Variants in TMEM184A observed in about 807,000 individuals in gnomAD.
TMEM184A encodes the protein transmembrane protein 184A, also known as sexually dimorphic, expressed in male gonads 1.
Under a neutral mutation model 39.5 loss-of-function variants are expected in TMEM184A, and 40 were observed. The observed-to-expected ratio is 1.01, with a 90% CI of 0.79 to 1.32. TMEM184A has a LOEUF of 1.32. Among genes scored for constraint, TMEM184A ranks in the 40% most tolerant of loss-of-function variants. The probability of loss-of-function intolerance (pLI) is 0.00; values close to 1 mark genes in which losing one functional copy is unlikely to be tolerated. For synonymous variants in TMEM184A, 280 were observed against 252.3 expected (o/e 1.11, Z -1.04); for missense variants, 603 against 568.8 (o/e 1.06, Z -0.61).
chr7:1,549,977 C>G, intron 5 of TMEM184A, 32 bp from the exon 6 acceptor site: 2 of 1,608,550 alleles, frequency 1.2e-6, no homozygotes, highest in Non-Finnish European at 1.7e-6. Context: ...GGGCCTGGGG[C>G]CAGGTCCCCC....
chr7:1,553,400 G>A (rs369556465), intron 2 of TMEM184A, among the ~76,000 whole-genome samples: 2 of 152,064 alleles, frequency 1.3e-5, no homozygotes, highest in East Asian at 3.9e-4. Flanking sequence ...TGATCCACCC[G>A]CCTTGGCCTC....
chr7:1,550,486 G>A, intron 3 of TMEM184A, 91 bp from the exon 4 acceptor site: 6 of 1,108,646 alleles, frequency 5.4e-6, no homozygotes, highest in South Asian at 1.4e-5. Flanking sequence ...AGGAGGCTCG[G>A]GAGGGGCTGA....
intron 2 of TMEM184A, among the ~76,000 whole-genome samples, chr7:1,553,159 A>AT (rs1045528963): frequency 2.6e-5 from 4 of 151,430 alleles, no homozygotes; most frequent in African/African-American, 7.3e-5. Flanking sequence ...TTTAATTATT[A>AT]TTTTTTTTAT....
At position 1,553,974 on chromosome 7, in the gene TMEM184A, G is replaced by A. The variant is rs529637705; in HGVS notation, c.219+1292C>T. ...GAAGCTAAAGCCACACTACAGCCGC[G>A]CACACACAGCCGGTTCCCAGGATTA... is the stretch of plus-strand genomic sequence containing the variant. On this transcript the variant is annotated intron_variant, in intron 2 of 8. Transcript: ENST00000297477. Among the ~76,000 whole-genome samples, 26 of 152,178 alleles carry A rather than the reference G, an allele frequency of 1.7e-4. No individual in the cohort carries two copies. The South Asian group carries it at 5.0e-3, about 29-fold the overall frequency.
At chr7:1,551,026 C>A (rs762151137) in intron 2 of TMEM184A, 44 bp from the exon 3 acceptor site, 28 of 1,573,556 alleles carry the variant, frequency 1.8e-5, no homozygotes, top group Admixed American at 5.5e-5. Flanking sequence ...CCGCCTGGTA[C>A]CCCTGGACCA....
chr7:1,547,506 C>T (rs571435355), intron 8 of TMEM184A, among the ~76,000 whole-genome samples: 19 of 152,292 alleles, frequency 1.2e-4, no homozygotes, highest in African/African-American at 1.9e-4. Flanking sequence ...CACAGGCTGT[C>T]TCCGCCCTAA....
At position 1,547,035 on chromosome 7, in the gene TMEM184A, T is replaced by A. The variant is rs766773408; in HGVS notation, c.1159A>T (p.Thr387Ser). 1 of 1,561,776 alleles carries A rather than the reference T, an allele frequency of 6.4e-7. No individual in the cohort carries two copies. The highest frequency in any genetic ancestry group is 1.4e-5 in the African/African-American group (1 of 73,000). ...CCGCCGGAGCCGCCGCTGGGGTGGG[T>A]GCCGGGCCTGGGCGCCTCGTGCGTG... is the stretch of plus-strand genomic sequence containing the variant. Reference protein sequence around the residue: ...QATHEAPRPGTHPSGGSGGSR... With the variant: ...QATHEAPRPGSHPSGGSGGSR... Residue 387 changes from threonine to serine, a missense_variant, in exon 9 of 9, where the codon ACC becomes TCC. Physicochemically the swap from Thr to Ser is moderately conservative, Grantham distance 58 (BLOSUM62 1). Coordinates refer to ENST00000297477, the MANE Select transcript of TMEM184A (RefSeq NM_001097620.2).
Position 1,547,890 on chromosome 7 carries a change from C to G in TMEM184A, c.864G>C (p.Glu288Asp). ...LERCGVIPEV[E>D]TSGGNKLGAG... Reference sequence around the variant, plus strand: ...CCCCCAGCTTGTTCCCGCCGCTGGTCTCCACCTCCGGGATGACCCCGCACC... The same window carrying G: ...CCCCCAGCTTGTTCCCGCCGCTGGTGTCCACCTCCGGGATGACCCCGCACC... Residue 288 changes from glutamate to aspartate, a missense_variant, in exon 8 of 9, where the codon GAG (glutamate) becomes GAC (aspartate). Physicochemically the swap from Glu to Asp is conservative, Grantham distance 45 (BLOSUM62 2). Coordinates refer to ENST00000297477, the MANE Select transcript of TMEM184A (RefSeq NM_001097620.2). 6.3e-7 allele frequency: 1 copy of G among 1,596,698 alleles called. No homozygotes were observed. The highest frequency in any genetic ancestry group is 8.5e-7 in the Non-Finnish European group (1 of 1,172,218).
At chr7:1,551,524 C>T (rs1369329976) in intron 2 of TMEM184A, among the ~76,000 whole-genome samples, 2 of 152,178 alleles carry the variant, frequency 1.3e-5, no homozygotes, top group Non-Finnish European at 2.9e-5. Flanking sequence ...AAATTGTTTG[C>T]CTATTGTAAT....
In TMEM184A at chr7:1,550,325, C is replaced by T; in HGVS notation, c.456G>A (p.Glu152=). 1.2e-6 allele frequency: 2 copies of T among 1,613,030 alleles called. No individual in the cohort carries two copies. The highest frequency in any genetic ancestry group is 1.7e-5 in the Admixed American group (1 of 59,950). The part of the protein sequence containing the change: ...YLGGEGAIMA[E]IRGKPIKSSC... ...CTTACTTGATGGGCTTTCCACGAAT[C>T]TCAGCCATGATGGCGCCCTCGCCTC... The change falls in exon 4 of 9, where the codon GAG becomes GAA. Residue 152 remains glutamate, a synonymous_variant. Coordinates refer to ENST00000297477, the MANE Select transcript of TMEM184A (RefSeq NM_001097620.2).
At chr7:1,549,517 C>T (rs987294261) in intron 6 of TMEM184A, 5 of 491,250 alleles carry the variant, frequency 1.0e-5, no homozygotes, top group South Asian at 3.1e-5. Context: ...GGGTCCTCGG[C>T]GCAGATGCTG....
intron 7 of TMEM184A, 35 bp downstream of exon 7, chr7:1,548,484 C>G: frequency 6.3e-7 from 1 of 1,588,682 alleles, no homozygotes; most frequent in Non-Finnish European, 8.6e-7. Context: ...CAGCCCCCAC[C>G]TCGGTAGCAC....
chr7:1,551,378 G>A (rs35342170), intron 2 of TMEM184A, among the ~76,000 whole-genome samples: 3 of 144,136 alleles, frequency 2.1e-5, no homozygotes, highest in Non-Finnish European at 3.1e-5. Context: ...GGTGAGAGCC[G>A]GGTCCGCCTG....
chr7:1,550,055 C>A lies in TMEM184A; in HGVS notation c.552+68G>T. Reference sequence around the variant, plus strand: ...CCCCCTGACACTGGGTGGGGTGGCGCTGGGCCGGCTAGGGCCCCTGACGGG... The same window carrying A: ...CCCCCTGACACTGGGTGGGGTGGCGATGGGCCGGCTAGGGCCCCTGACGGG... On this transcript the variant is annotated intron_variant, in intron 5 of 8. Transcript: ENST00000297477. 2.2e-6 allele frequency: 3 copies of A among 1,334,110 alleles called. No individual in the cohort carries two copies. In the East Asian group the frequency reaches 1.4e-4, roughly 63 times the overall value. The allele number at this position is 1,334,110 out of a possible 1,614,324, so 82.6% of individuals were successfully genotyped here. A position where few individuals can be genotyped will look rare whatever the true frequency, so the allele number is the denominator to read the frequency against.
chr7:1,548,723 C>T, intron 6 of TMEM184A, 35 bp from the exon 7 acceptor site: 2 of 1,572,530 alleles, frequency 1.3e-6, no homozygotes, highest in Non-Finnish European at 1.7e-6. Context: ...AGGGCGGTCC[C>T]ATGACCCCGC....
Position 1,550,343 on chromosome 7 carries a change from C to G in TMEM184A, c.438G>C (p.Glu146Asp). 1 of 1,613,020 alleles carries G rather than the reference C, an allele frequency of 6.2e-7. No homozygotes were observed. Residue 146 changes from glutamate to aspartate, a missense_variant, in exon 4 of 9, where the codon GAG (glutamate) becomes GAC (aspartate). Physicochemically the swap from Glu to Asp is conservative, Grantham distance 45. Transcript: ENST00000297477. Reference protein sequence around the residue: ...LSLCFQYLGGEGAIMAEIRGK... With the variant: ...LSLCFQYLGGDGAIMAEIRGK... Reference sequence around the variant, plus strand: ...CACGAATCTCAGCCATGATGGCGCCCTCGCCTCCCAGGTACTGGAAACACA... The same window carrying G: ...CACGAATCTCAGCCATGATGGCGCCGTCGCCTCCCAGGTACTGGAAACACA...
rs932575345 is a variant in TMEM184A, at chr7:1,542,637, T to G, written c.*4315A>C. 2.6e-5 allele frequency: 4 copies of G among 152,308 alleles called. No homozygotes were observed. The highest frequency in any genetic ancestry group is 9.6e-5 in the African/African-American group (4 of 41,460). The allele number at this position is 152,308 out of a possible 1,614,324, so 9.4% of individuals were successfully genotyped here. On this transcript the variant is annotated 3_prime_UTR_variant, in exon 9 of 9. Transcript: ENST00000297477. ...GGTGTGTTCTGCTTTTCTTTTCAGA[T>G]TGTTGAAATTTCATTGTCATGATTT... is the stretch of plus-strand genomic sequence containing the variant.
chr7:1,555,203 A>AGCCACG lies in TMEM184A; in HGVS notation c.219+57_219+62dup. The stretch of plus-strand genomic sequence containing the variant: ...AGCGGCACCCAGGGGGACCGGGCTG[A>AGCCACG]GCCACGGCCACGTCCTGTGGAGACC... On this transcript the variant is annotated intron_variant, in intron 2 of 8. Coordinates refer to ENST00000297477, the MANE Select transcript of TMEM184A (RefSeq NM_001097620.2). The surrounding 1 kb of genome is among the most constrained non-coding windows in gnomAD (Gnocchi z 5.2). The AGCCACG allele has an allele frequency of 7.2e-7, 1 of 1,384,632 alleles. No individual in the cohort carries two copies. The highest frequency in any genetic ancestry group is 1.4e-5 in the South Asian group (1 of 72,582). The allele number at this position is 1,384,632 out of a possible 1,614,324, so 85.8% of individuals were successfully genotyped here.
At chr7:1,552,333 C>T (rs756407472) in intron 2 of TMEM184A, among the ~76,000 whole-genome samples, 22 of 152,048 alleles carry the variant, frequency 1.4e-4, no homozygotes, top group Admixed American at 5.2e-4. Flanking sequence ...CAGTGTGCAG[C>T]GCGATGTCTG....
Sources: allele counts gnomAD v4.1 joint callset (sites outside exome capture counted in the v4.1 genomes callset), GRCh38; gene constraint gnomAD v4.1.1; non-coding constraint Gnocchi (gnomAD v3.1); transcripts MANE v1.5; gene names NCBI Gene and HGNC (gene_info 2026-07-23, HGNC 2026-07-21).